Variants in GALNT17 observed in about 807,000 individuals in gnomAD.
GALNT17 encodes polypeptide N-acetylgalactosaminyltransferase 17, also known as UDP-GalNAc:polypeptide N-acetylgalactosaminyltransferase-like 3.
GALNT17 carries 29 observed loss-of-function variants against 63.7 expected under a neutral mutation model. That is an observed-to-expected ratio of 0.46 (90% confidence interval 0.34 to 0.62). The LOEUF (loss-of-function observed/expected upper bound fraction) is 0.62. Among genes scored for constraint, GALNT17 ranks in the 20% least tolerant of loss-of-function variants. GALNT17 has a pLI of 0.01. For missense variants in GALNT17, 603 were observed against 799.6 expected (o/e 0.75, Z 2.97); for synonymous variants, 305 against 318.3 (o/e 0.96, Z 0.45).
At chr7:71,513,336 A>G (rs1009703905) in intron 5 of GALNT17, among the ~76,000 whole-genome samples, 9 of 152,136 alleles carry the variant, frequency 5.9e-5, no homozygotes, top group Admixed American at 3.9e-4. Flanking sequence ...TTGAACGATT[A>G]TCAACTCATG....
At chr7:71,452,382 C>T (rs972432655) in intron 5 of GALNT17, among the ~76,000 whole-genome samples, 7 of 152,024 alleles carry the variant, frequency 4.6e-5, no homozygotes, top group Admixed American at 2.0e-4. Flanking sequence ...CCTGTCTCTA[C>T]TAAAAATACA....
At chr7:71,420,838 C>A in intron 4 of GALNT17, 70 bp from the exon 5 acceptor site, 1 of 1,566,744 alleles carries the variant, frequency 6.4e-7, no homozygotes, top group Middle Eastern at 1.7e-4. Flanking sequence ...GCTGTTCATT[C>A]CGTGTGGTCT....
chr7:71,484,426 T>A (rs1247520201), intron 5 of GALNT17, among the ~76,000 whole-genome samples: 1 of 152,158 alleles, frequency 6.6e-6, no homozygotes, highest in Non-Finnish European at 1.5e-5. Flanking sequence ...AGGCAGAGGC[T>A]GCAGTGAGAT....
At chr7:71,524,334 A>T (rs1027861095) in intron 5 of GALNT17, among the ~76,000 whole-genome samples, 2 of 148,976 alleles carry the variant, frequency 1.3e-5, no homozygotes, top group African/African-American at 4.9e-5. Flanking sequence ...TTAACTAGTA[A>T]TATTATTATT....
intron 1 of GALNT17, among the ~76,000 whole-genome samples, chr7:71,166,300 CTTT>C (rs1040744749): frequency 4.6e-5 from 7 of 152,176 alleles, no homozygotes; most frequent in African/African-American, 1.7e-4. Context: ...ATCCACCTCT[CTTT>C]ATTATTTACT....
In GALNT17 at chr7:71,132,399, C is replaced by T. The variant is rs1381933253; in HGVS notation, c.-404C>T. 3 of 155,786 alleles carry T rather than the reference C, an allele frequency of 1.9e-5. No individual in the cohort carries two copies. The highest frequency in any genetic ancestry group is 2.8e-5 in the Non-Finnish European group (2 of 70,766). 9.7% of individuals were successfully genotyped at this position (155,786 alleles called of 1,614,324 possible). A position where few individuals can be genotyped will look rare whatever the true frequency, so the allele number is the denominator to read the frequency against. On this transcript the variant is annotated 5_prime_UTR_variant, in exon 1 of 11. Coordinates refer to ENST00000333538, the MANE Select transcript of GALNT17 (RefSeq NM_022479.3). ...CTGAGTCCGGCACCTGTGCGCCGCT[C>T]CCTCTGTGCCTCCCGGGCAGCCCCG...
chr7:71,609,245 C>T (rs1304294472), intron 6 of GALNT17, among the ~76,000 whole-genome samples: 1 of 152,176 alleles, frequency 6.6e-6, no homozygotes, highest in African/African-American at 2.4e-5. Context: ...CTGGACTTGT[C>T]TGTGTGGATT....
At chr7:71,436,665 G>T (rs1394137395) in intron 5 of GALNT17, among the ~76,000 whole-genome samples, 2 of 150,772 alleles carry the variant, frequency 1.3e-5, no homozygotes, top group African/African-American at 4.8e-5. Flanking sequence ...CTTGCAGTGA[G>T]CTGAGATCGC....
intron 2 of GALNT17, among the ~76,000 whole-genome samples, chr7:71,355,655 T>C (rs577307002): frequency 6.7e-6 from 1 of 150,096 alleles, no homozygotes; most frequent in Non-Finnish European, 1.5e-5. Context: ...GCCTCAGCCT[T>C]CCGAGTAGCT....
chr7:71,660,881 A>T (rs1264197994), intron 6 of GALNT17, among the ~76,000 whole-genome samples: 3 of 151,962 alleles, frequency 2.0e-5, no homozygotes, highest in Non-Finnish European at 4.4e-5. Flanking sequence ...GCTGGTGATC[A>T]CCCCCAGCCA....
At chr7:71,203,709 A>G (rs1357737161) in intron 1 of GALNT17, among the ~76,000 whole-genome samples, 1 of 152,192 alleles carries the variant, frequency 6.6e-6, no homozygotes, top group Non-Finnish European at 1.5e-5. Context: ...GGCCTCAGGA[A>G]GCTTTATAAT....
rs193210921 is a variant in GALNT17 at position 71,182,627 on chromosome 7, A to C, written c.238+49587A>C. 3.0e-3 allele frequency among the ~76,000 whole-genome samples: 463 copies of C among 152,232 alleles called. 3 individuals are homozygous for C. The highest frequency in any genetic ancestry group is 0.01 in the African/African-American group (431 of 41,542). On this transcript the variant is annotated intron_variant, in intron 1 of 10. Coordinates refer to ENST00000333538, the MANE Select transcript of GALNT17 (RefSeq NM_022479.3). ...CAGAGTCTTGTTTCTGAAGTCTCTC[A>C]GGTAACATTTTGAGAACACTGCATG...
At chr7:71,605,521 G>A (rs1336564167) in intron 6 of GALNT17, among the ~76,000 whole-genome samples, 1 of 151,232 alleles carries the variant, frequency 6.6e-6, no homozygotes, top group Non-Finnish European at 1.5e-5. Context: ...AGGAGGCGGA[G>A]GTTGCAGTGA....
chr7:71,516,034 T>C (rs1669116461), intron 5 of GALNT17, among the ~76,000 whole-genome samples: 1 of 152,140 alleles, frequency 6.6e-6, no homozygotes, highest in African/African-American at 2.4e-5. Flanking sequence ...GCATTTATCT[T>C]GCAATCGGTC....
chr7:71,357,177 C>T (rs1041583666), intron 2 of GALNT17, among the ~76,000 whole-genome samples: 6 of 152,164 alleles, frequency 3.9e-5, no homozygotes, highest in Non-Finnish European at 8.8e-5. Flanking sequence ...CCCCAACCCA[C>T]AGGCCATGGA....
intron 1 of GALNT17, among the ~76,000 whole-genome samples, chr7:71,282,741 T>C (rs577708141): frequency 6.6e-6 from 1 of 151,694 alleles, no homozygotes; most frequent in Admixed American, 6.6e-5. Context: ...AGGGTCAGGT[T>C]TCAGGTGAAG....
At chr7:71,640,664 A>C (rs1012549363) in intron 6 of GALNT17, among the ~76,000 whole-genome samples, 2 of 152,132 alleles carry the variant, frequency 1.3e-5, no homozygotes, top group Non-Finnish European at 1.5e-5. Flanking sequence ...TCATATTTTA[A>C]AAAAACCAAT....
At chr7:71,482,121 G>GTGT (rs1554380007) in intron 5 of GALNT17, among the ~76,000 whole-genome samples, 1 of 145,834 alleles carries the variant, frequency 6.9e-6, no homozygotes, top group Non-Finnish European at 1.5e-5. Context: ...GTGTATGTAT[G>GTGT]GTCATGCATT....
intron 5 of GALNT17, among the ~76,000 whole-genome samples, chr7:71,557,608 C>T (rs2116845852): frequency 6.6e-6 from 1 of 152,230 alleles, no homozygotes; most frequent in South Asian, 2.1e-4. Flanking sequence ...GCCTGGCCAA[C>T]ATGATGAAAC....
Sources: allele counts gnomAD v4.1 joint callset (sites outside exome capture counted in the v4.1 genomes callset), GRCh38; gene constraint gnomAD v4.1.1; transcripts MANE v1.5; gene names NCBI Gene and HGNC (gene_info 2026-07-23, HGNC 2026-07-21).